TBC1D5: variants seen among roughly 807,000 people sequenced by gnomAD.
TBC1D5 encodes TBC1 domain family, member 5.
In TBC1D5, 75 loss-of-function variants were observed where a neutral mutation model predicts 100.3. The ratio of observed to expected loss-of-function variants is 0.75; its 90% CI spans 0.62 to 0.91. The LOEUF is 0.91. Among genes scored for constraint, TBC1D5 ranks in the 40% least tolerant of loss-of-function variants. The pLI is 0.00. For synonymous variants in TBC1D5, 323 were observed against 325.6 expected (o/e 0.99, Z 0.09); for missense variants, 910 against 942.4 (o/e 0.97, Z 0.45).
At chr3:17,375,721 A>C (rs1302975983) in intron 10 of TBC1D5, among the ~76,000 whole-genome samples, 1 of 152,174 alleles carries the variant, frequency 6.6e-6, no homozygotes, top group Non-Finnish European at 1.5e-5. Flanking sequence ...AAACTTGAAA[A>C]TACTAATCTA....
chr3:17,207,551 G>A (rs2125902223), intron 18 of TBC1D5, among the ~76,000 whole-genome samples: 1 of 152,244 alleles, frequency 6.6e-6, no homozygotes, highest in Non-Finnish European at 1.5e-5. Flanking sequence ...CCTCTTTAAA[G>A]ACTAAGCTGA....
At chr3:17,654,981 G>C (rs1243577235) in intron 1 of TBC1D5, among the ~76,000 whole-genome samples, 2 of 151,714 alleles carry the variant, frequency 1.3e-5, no homozygotes, top group African/African-American at 4.8e-5. Flanking sequence ...ATGGTAGTTT[G>C]TATTTCTGTG....
At chr3:17,270,871 A>G (rs2149675092) in intron 15 of TBC1D5, among the ~76,000 whole-genome samples, 1 of 152,186 alleles carries the variant, frequency 6.6e-6, no homozygotes. Flanking sequence ...TTGAATAGAG[A>G]GTCTTTTCCC....
chr3:17,229,578 T>C (rs2075236854), intron 17 of TBC1D5, among the ~76,000 whole-genome samples: 1 of 152,154 alleles, frequency 6.6e-6, no homozygotes, highest in African/African-American at 2.4e-5. Context: ...GGTGCTATCA[T>C]CACCACTACC....
At chr3:17,621,934 T>C (rs118069933) in intron 2 of TBC1D5, among the ~76,000 whole-genome samples, 2 of 152,298 alleles carry the variant, frequency 1.3e-5, no homozygotes, top group East Asian at 3.9e-4. Flanking sequence ...TGCTCATGGT[T>C]TTCCTCTTTC....
chr3:17,675,223 C>A (rs962682960), intron 1 of TBC1D5, among the ~76,000 whole-genome samples: 3 of 151,882 alleles, frequency 2.0e-5, no homozygotes, highest in Admixed American at 6.6e-5. Context: ...GCTACCAAGA[C>A]AGATTATTAA....
At chr3:17,348,374 T>C (rs980427456) in intron 13 of TBC1D5, among the ~76,000 whole-genome samples, 15 of 152,222 alleles carry the variant, frequency 9.9e-5, no homozygotes, top group Non-Finnish European at 4.4e-5. Flanking sequence ...CCTGGGCATC[T>C]TGGTAAAATG....
intron 19 of TBC1D5, among the ~76,000 whole-genome samples, chr3:17,178,062 G>A (rs1168121502): frequency 7.3e-6 from 1 of 136,532 alleles, no homozygotes; most frequent in Non-Finnish European, 1.5e-5. Flanking sequence ...GCTGAATAGT[G>A]CTCCTTTTTT....
At chr3:17,696,510 T>C (rs554561443) in intron 1 of TBC1D5, among the ~76,000 whole-genome samples, 1 of 152,232 alleles carries the variant, frequency 6.6e-6, no homozygotes, top group Admixed American at 6.5e-5. Flanking sequence ...AAGAAATAGA[T>C]GAATTCCTGG....
In TBC1D5 at chr3:17,540,905, C is replaced by CAAAA. The variant is rs71634807; in HGVS notation, c.-35-32304_-35-32301dup. 2.2e-3 allele frequency among the ~76,000 whole-genome samples: 69 copies of CAAAA among 31,446 alleles called. 5 individuals carry two copies. The highest frequency in any genetic ancestry group is 0.011 in the African/African-American group (61 of 5,542). 20.6% of individuals were successfully genotyped at this position (31,446 alleles called of 152,430 possible). A position where few individuals can be genotyped will look rare whatever the true frequency, so the allele number is the denominator to read the frequency against. On this transcript the variant is annotated intron_variant, in intron 2 of 21. Transcript: ENST00000253692. ...CTGGCGACAGAGCGAGGCTCCATCT[C>CAAAA]AAAAAAAAAAAAAAAAAAAAAAAAA...
intron 1 of TBC1D5, among the ~76,000 whole-genome samples, chr3:17,636,320 A>G (rs938145390): frequency 1.6e-4 from 25 of 152,188 alleles, no homozygotes; most frequent in African/African-American, 6.0e-4. Context: ...CCCTATCCCT[A>G]TGAGATACTT....
intron 3 of TBC1D5, among the ~76,000 whole-genome samples, chr3:17,506,214 T>C (rs1199337983): frequency 6.6e-6 from 1 of 152,118 alleles, no homozygotes; most frequent in Non-Finnish European, 1.5e-5. Flanking sequence ...CTTCAAATAA[T>C]ATGACAACCT....
chr3:17,712,838 G>A (rs1177289099), intron 1 of TBC1D5, among the ~76,000 whole-genome samples: 1 of 152,124 alleles, frequency 6.6e-6, no homozygotes, highest in Admixed American at 6.6e-5. Flanking sequence ...ATTTTAAGGT[G>A]AAATAAATAA....
At chr3:17,630,655 T>C (rs1464610364) in intron 1 of TBC1D5, among the ~76,000 whole-genome samples, 4 of 152,166 alleles carry the variant, frequency 2.6e-5, no homozygotes, top group Non-Finnish European at 5.9e-5. Context: ...TACAACGGCC[T>C]CTTAGTGTTC....
intron 3 of TBC1D5, among the ~76,000 whole-genome samples, chr3:17,488,306 G>A (rs151299349): frequency 1.1e-3 from 174 of 152,252 alleles, no homozygotes; most frequent in African/African-American, 4.0e-3. Context: ...TTTGTGCTTT[G>A]ATAACTTATT....
chr3:17,642,062 G>A (rs946084079), intron 1 of TBC1D5, among the ~76,000 whole-genome samples: 2 of 152,052 alleles, frequency 1.3e-5, no homozygotes, highest in Admixed American at 6.6e-5. Context: ...TAGGTTTTGG[G>A]TTTATGCTAT....
chr3:17,230,650 A>G (rs2075333666), intron 17 of TBC1D5, among the ~76,000 whole-genome samples: 1 of 152,134 alleles, frequency 6.6e-6, no homozygotes, highest in African/African-American at 2.4e-5. Flanking sequence ...GCGTATGTAT[A>G]TGCATATTTA....
chr3:17,491,545 TC>T (rs1560009040), intron 3 of TBC1D5, among the ~76,000 whole-genome samples: 1 of 152,216 alleles, frequency 6.6e-6, no homozygotes, highest in Non-Finnish European at 1.5e-5. Flanking sequence ...GAAGGCCTTT[TC>T]TGCCTCTATT....
chr3:17,618,526 A>C (rs1185773248), intron 2 of TBC1D5, among the ~76,000 whole-genome samples: 2 of 152,196 alleles, frequency 1.3e-5, no homozygotes. Flanking sequence ...TATAGAGGCA[A>C]TAGAACTTGC....
Sources: allele counts gnomAD v4.1 joint callset (sites outside exome capture counted in the v4.1 genomes callset), GRCh38; gene constraint gnomAD v4.1.1; transcripts MANE v1.5; gene names NCBI Gene and HGNC (gene_info 2026-07-23, HGNC 2026-07-21).